Variants in FBXO15 observed in about 807,000 individuals in gnomAD.
The protein encoded by FBXO15 is F-box protein 15.
Under a neutral mutation model 49.5 loss-of-function variants are expected in FBXO15, and 30 were observed. The observed-to-expected ratio is 0.61, with a 90% confidence interval of 0.45 to 0.82. FBXO15 has a LOEUF of 0.82. Ranked by LOEUF, FBXO15 falls within the 40% of genes least tolerant of loss-of-function variation. The pLI is 0.00. For missense variants in FBXO15, 591 were observed against 631.5 expected (o/e 0.94, Z 0.69); for synonymous variants, 250 against 232.7 (o/e 1.07, Z -0.68).
chr18:74,114,504 AT>A (rs35675582), intron 8 of FBXO15, among the ~76,000 whole-genome samples: 20,262 of 152,212 alleles, frequency 0.13, 1,704 homozygotes, highest in East Asian at 0.27. Flanking sequence ...ATCTATTTAC[AT>A]TTCCAAAAGA....
At chr18:74,141,806 C>T (rs1979094617) in intron 1 of FBXO15, among the ~76,000 whole-genome samples, 10 of 152,194 alleles carry the variant, frequency 6.6e-5, no homozygotes, top group Admixed American at 6.5e-4. Flanking sequence ...CGCAAGACAG[C>T]ATCATGATAT....
chr18:74,103,118 A>T (rs939116747), intron 8 of FBXO15, among the ~76,000 whole-genome samples: 37 of 152,054 alleles, frequency 2.4e-4, no homozygotes, highest in South Asian at 1.0e-3. Flanking sequence ...AAATTTTTTT[A>T]AAAAAAGAAA....
chr18:74,086,064 T>C (rs1012613192), intron 8 of FBXO15, among the ~76,000 whole-genome samples: 1 of 152,172 alleles, frequency 6.6e-6, no homozygotes, highest in African/African-American at 2.4e-5. Flanking sequence ...CTTTTCTAGG[T>C]AATTACCACT....
intron 8 of FBXO15, among the ~76,000 whole-genome samples, chr18:74,107,756 A>T (rs1172221243): frequency 6.6e-6 from 1 of 152,188 alleles, no homozygotes; most frequent in Non-Finnish European, 1.5e-5. Flanking sequence ...AGTATCAGAA[A>T]AATATTCCTC....
At chr18:74,112,513 A>G (rs1399454369) in intron 8 of FBXO15, among the ~76,000 whole-genome samples, 1 of 152,180 alleles carries the variant, frequency 6.6e-6, no homozygotes, top group Non-Finnish European at 1.5e-5. Flanking sequence ...AACTTTCTCA[A>G]CTTAATAAAG....
chr18:74,082,172 G>A (rs1912531127), intron 8 of FBXO15, 121 bp from the exon 9 acceptor site: 1 of 853,934 alleles, frequency 1.2e-6, no homozygotes, highest in African/African-American at 1.7e-5. Flanking sequence ...TCAGCGATGA[G>A]GGCAACATGG....
chr18:74,134,205 C>G (rs1978572236), intron 3 of FBXO15, among the ~76,000 whole-genome samples: 1 of 152,058 alleles, frequency 6.6e-6, no homozygotes, highest in African/African-American at 2.4e-5. Context: ...AACTAGGGAA[C>G]AGTGTATGTC....
intron 1 of FBXO15, among the ~76,000 whole-genome samples, chr18:74,142,528 G>C (rs1979144075): frequency 2.6e-5 from 4 of 152,184 alleles, no homozygotes; most frequent in Admixed American, 2.6e-4. Flanking sequence ...GAAGGCTCTA[G>C]AGAGGATCAT....
chr18:74,125,757 G>T (rs1914680464), intron 6 of FBXO15, among the ~76,000 whole-genome samples: 1 of 152,214 alleles, frequency 6.6e-6, no homozygotes, highest in African/African-American at 2.4e-5. Flanking sequence ...CAGAACAACA[G>T]ATAGCAGAGT....
intron 1 of FBXO15, chr18:74,147,411 G>A (rs1979501748): frequency 1.1e-6 from 1 of 936,108 alleles, no homozygotes; most frequent in Non-Finnish European, 1.3e-6. Flanking sequence ...GTCCTGGCAG[G>A]TGCGCGCATC....
intron 8 of FBXO15, among the ~76,000 whole-genome samples, chr18:74,119,472 C>T (rs1407043672): frequency 2.0e-5 from 3 of 152,134 alleles, no homozygotes; most frequent in Admixed American, 6.5e-5. Flanking sequence ...TAAGTAAACT[C>T]AGTGTGATAG....
chr18:74,130,481 T>C lies in FBXO15; in HGVS notation c.510A>G (p.Leu170=), dbSNP rs772021009. The C allele has an allele frequency of 3.1e-6, 5 of 1,614,096 alleles. No individual in the cohort carries two copies. The African/African-American group carries it at 5.3e-5, about 17-fold the overall frequency. Residue 170 remains leucine, a synonymous_variant, in exon 4 of 10, where the codon CTA becomes CTG. Coordinates refer to ENST00000419743, the MANE Select transcript of FBXO15 (RefSeq NM_001142958.2). ...TKQIASVKAA[L]ADILKPVNPY... is the part of the protein sequence containing the mutation. ...GGTTGACAGGTTTGAGAATGTCAGC[T>C]AGTGCGGCTTTTACAGATGCTATTT...
rs1055023258 is a variant in FBXO15, at chr18:74,123,636, T to C, written c.996-126A>G. ...ACTACCTCCTACAAATGAAACTCCA[T>C]AGGATTCCCTATAATCTTCAATACT... On this transcript the variant is annotated intron_variant, in intron 7 of 9. Transcript: ENST00000419743. 16 of 997,282 alleles carry C rather than the reference T, an allele frequency of 1.6e-5. No individual in the cohort carries two copies. The African/African-American group carries it at 2.1e-4, about 13-fold the overall frequency. The allele number at this position is 997,282 out of a possible 1,614,324, so 61.8% of individuals were successfully genotyped here.
intron 8 of FBXO15, among the ~76,000 whole-genome samples, chr18:74,096,630 A>G (rs1253267184): frequency 6.6e-6 from 1 of 151,960 alleles, no homozygotes; most frequent in East Asian, 1.9e-4. Flanking sequence ...AGGGAGCCAT[A>G]ATCTCCCAAA....
chr18:74,119,734 G>A (rs988137312), intron 8 of FBXO15, among the ~76,000 whole-genome samples: 4 of 152,186 alleles, frequency 2.6e-5, no homozygotes, highest in Non-Finnish European at 4.4e-5. Flanking sequence ...AAGCTGCAGC[G>A]GAGCTAGAGT....
chr18:74,122,444 G>C (rs1013158965), intron 8 of FBXO15: 1 of 152,188 alleles, frequency 6.6e-6, no homozygotes, highest in African/African-American at 2.4e-5. Context: ...GGTGATAAGA[G>C]AAAGTTCTTT....
intron 6 of FBXO15, 67 bp from the exon 7 acceptor site, chr18:74,124,638 T>G: frequency 7.3e-7 from 1 of 1,366,494 alleles, no homozygotes; most frequent in Non-Finnish European, 1.0e-6. Flanking sequence ...AAGATCATTG[T>G]GAAGATCACA....
chr18:74,076,880 A>G (rs2145095181), intron 9 of FBXO15, among the ~76,000 whole-genome samples: 2 of 152,244 alleles, frequency 1.3e-5, no homozygotes, highest in East Asian at 3.9e-4. Context: ...CCATGCCCCC[A>G]GCTGACAAAG....
At chr18:74,120,163 C>T (rs976013656) in intron 8 of FBXO15, among the ~76,000 whole-genome samples, 2 of 152,186 alleles carry the variant, frequency 1.3e-5, no homozygotes, top group Non-Finnish European at 2.9e-5. Flanking sequence ...ATCATAGTCT[C>T]CAGTGTTCAT....
Sources: gnomAD v4.1 joint callset for allele counts (sites outside exome capture counted in the v4.1 genomes callset) on GRCh38, gnomAD v4.1.1 for gene constraint, MANE v1.5 for transcripts, NCBI Gene and HGNC (gene_info 2026-07-23, HGNC 2026-07-21) for gene names.